The following PTPN4 variants were observed in gnomAD, a reference collection of about 807,000 sequenced individuals.
PTPN4 encodes the protein tyrosine-protein phosphatase non-receptor type 4.
Under a neutral mutation model 135.5 loss-of-function variants are expected in PTPN4, and 49 were observed. The ratio of observed to expected loss-of-function variants is 0.36; its 90% CI spans 0.29 to 0.46. The LOEUF (loss-of-function observed/expected upper bound fraction) is 0.46, where lower values mean the gene tolerates loss of function less well. Among genes scored for constraint, PTPN4 ranks in the 20% least tolerant of loss-of-function variants. PTPN4 has a pLI of 1.00. For missense variants in PTPN4, 860 were observed against 1,101.0 expected, an observed-to-expected ratio of 0.78 and a Z score of 3.10; for synonymous variants, 333 against 369.9, an observed-to-expected ratio of 0.90 and a Z score of 1.14.
intron 1 of PTPN4, among the ~76,000 whole-genome samples, chr2:119,780,380 T>G (rs2104927738): frequency 6.6e-6 from 1 of 152,312 alleles, no homozygotes; most frequent in African/African-American, 2.4e-5. Context: ...CAGTCTGTAT[T>G]CCAGATTTCT....
intron 2 of PTPN4, among the ~76,000 whole-genome samples, chr2:119,855,807 T>G (rs1031209719): frequency 1.3e-5 from 2 of 152,050 alleles, no homozygotes; most frequent in African/African-American, 4.8e-5. Flanking sequence ...ATTTTATTTA[T>G]TATTATTTTT....
Position 119,979,275 on chromosome 2 carries a change from A to G in PTPN4, c.*2205A>G, listed in dbSNP as rs1038613157. ...CCAAAAGATATCATTGTATAGATGT[A>G]AAGAGACAAAAGTCATGGTTGGCAT... is the stretch of plus-strand genomic sequence containing the variant. On this transcript the variant is annotated 3_prime_UTR_variant, in exon 27 of 27. Coordinates refer to ENST00000263708, the MANE Select transcript of PTPN4 (RefSeq NM_002830.4). 3.9e-5 allele frequency: 6 copies of G among 152,184 alleles called. No homozygotes were observed. Among genetic ancestry groups the G allele is most frequent in the African/African-American group, 9.6e-5 (4 of 41,466 alleles). 9.4% of individuals were successfully genotyped at this position (152,184 alleles called of 1,614,324 possible). A position where few individuals can be genotyped will look rare whatever the true frequency, so the allele number is the denominator to read the frequency against.
intron 3 of PTPN4, among the ~76,000 whole-genome samples, chr2:119,865,349 C>T (rs1677816747): frequency 6.6e-6 from 1 of 152,120 alleles, no homozygotes; most frequent in Non-Finnish European, 1.5e-5. Context: ...TGTTAATCAA[C>T]TAAATAATAT....
intron 15 of PTPN4, among the ~76,000 whole-genome samples, chr2:119,942,794 G>A (rs952917182): frequency 6.6e-5 from 10 of 152,244 alleles, no homozygotes; most frequent in Admixed American, 2.6e-4. Context: ...GTAGGCCGTG[G>A]TTGAGTTACA....
At chr2:119,768,396 C>T (rs534059233) in intron 1 of PTPN4, among the ~76,000 whole-genome samples, 12 of 152,010 alleles carry the variant, frequency 7.9e-5, no homozygotes, top group Admixed American at 2.6e-4. Context: ...AACTGAGATC[C>T]GAGTGTTCAG....
chr2:119,915,949 G>A (rs538701081), intron 11 of PTPN4: 1 of 152,236 alleles, frequency 6.6e-6, no homozygotes, highest in African/African-American at 2.4e-5. Context: ...CCAGCACTTT[G>A]AGAGGCTGAG....
chr2:119,828,951 G>A (rs1677182887), intron 2 of PTPN4, among the ~76,000 whole-genome samples: 1 of 152,242 alleles, frequency 6.6e-6, no homozygotes, highest in Non-Finnish European at 1.5e-5. Context: ...CTGAAAAGCA[G>A]TTAATGAGGC....
At chr2:119,785,606 A>G (rs887130681) in intron 1 of PTPN4, among the ~76,000 whole-genome samples, 2 of 152,054 alleles carry the variant, frequency 1.3e-5, no homozygotes, top group Non-Finnish European at 2.9e-5. Flanking sequence ...TTGTTTTTTA[A>G]TTATTTTTCT....
chr2:119,780,014 G>A (rs1160549157), intron 1 of PTPN4, among the ~76,000 whole-genome samples: 1 of 152,028 alleles, frequency 6.6e-6, no homozygotes, highest in East Asian at 1.9e-4. Flanking sequence ...TTAAAGTGCT[G>A]GGATTACAGG....
At chr2:119,855,973 T>G (rs1161879270) in intron 2 of PTPN4, among the ~76,000 whole-genome samples, 1 of 151,672 alleles carries the variant, frequency 6.6e-6, no homozygotes, top group Non-Finnish European at 1.5e-5. Flanking sequence ...CCCAGCTAAT[T>G]TTTTGTATTT....
chr2:119,974,018 G>GTA (rs796231449), intron 26 of PTPN4, among the ~76,000 whole-genome samples: 2 of 152,108 alleles, frequency 1.3e-5, no homozygotes, highest in African/African-American at 4.8e-5. Context: ...TTAGCAAGTG[G>GTA]TATAGCATGT....
chr2:119,891,315 T>TTTTGTTTG (rs750013304), intron 9 of PTPN4, among the ~76,000 whole-genome samples: 1 of 152,124 alleles, frequency 6.6e-6, no homozygotes, highest in Non-Finnish European at 1.5e-5. Context: ...AGTTTCAGTT[T>TTTTGTTTG]TTTGTTTGTT....
At chr2:119,914,260 T>A in intron 10 of PTPN4, among the ~76,000 whole-genome samples, 1 of 84,036 alleles carries the variant, frequency 1.2e-5, no homozygotes, top group Non-Finnish European at 3.1e-5. Flanking sequence ...TTTTTTTTTT[T>A]TTTTTTTTTT....
rs35755705 is a variant in PTPN4, at chr2:119,784,384, A to ATT, written c.-18+24019_-18+24020dup. ...AGGTGCACACCACCATGCCCACCTAATTTTTTTTTTTTTTTTTTTTGAGAC... is the reference window on the plus strand; with the variant it reads ...AGGTGCACACCACCATGCCCACCTAATTTTTTTTTTTTTTTTTTTTTTGAGAC... On this transcript the variant is annotated intron_variant, in intron 1 of 26. Transcript: ENST00000263708. Among the ~76,000 whole-genome samples the ATT allele has an allele frequency of 5.2e-3, 563 of 107,962 alleles. 18 individuals are homozygous for ATT. Among genetic ancestry groups the ATT allele is most frequent in the African/African-American group, 6.5e-3 (182 of 28,012 alleles). 70.8% of individuals were successfully genotyped at this position (107,962 alleles called of 152,430 possible). A position where few individuals can be genotyped will look rare whatever the true frequency, so the allele number is the denominator to read the frequency against.
chr2:119,775,538 T>G (rs1690819643), intron 1 of PTPN4, among the ~76,000 whole-genome samples: 1 of 152,210 alleles, frequency 6.6e-6, no homozygotes, highest in Non-Finnish European at 1.5e-5. Context: ...CCAGATTGAT[T>G]AGTCCTAAGG....
chr2:119,843,270 G>GAC (rs1677410208), intron 2 of PTPN4, among the ~76,000 whole-genome samples: 1 of 138,012 alleles, frequency 7.2e-6, no homozygotes, highest in Non-Finnish European at 1.5e-5. Context: ...ATCCTGAGTG[G>GAC]ACACAGCACA....
chr2:119,899,591 A>G (rs943702138), intron 9 of PTPN4, among the ~76,000 whole-genome samples: 7 of 152,204 alleles, frequency 4.6e-5, no homozygotes, highest in African/African-American at 1.4e-4. Context: ...ATCTTCCCTA[A>G]TGTATATCTT....
chr2:119,801,101 A>G (rs913359335), intron 1 of PTPN4, among the ~76,000 whole-genome samples: 2 of 151,664 alleles, frequency 1.3e-5, no homozygotes, highest in African/African-American at 4.9e-5. Flanking sequence ...TATTTTTTTT[A>G]AATTTGAGGC....
intron 9 of PTPN4, among the ~76,000 whole-genome samples, chr2:119,895,116 A>G (rs979627257): frequency 1.3e-5 from 2 of 152,182 alleles, no homozygotes; most frequent in African/African-American, 2.4e-5. Flanking sequence ...GAATGAGGGA[A>G]GGAGGCAGGG....
Sources: gnomAD v4.1 joint callset for allele counts (sites outside exome capture counted in the v4.1 genomes callset) on GRCh38, gnomAD v4.1.1 for gene constraint, MANE v1.5 for transcripts, NCBI Gene and HGNC (gene_info 2026-07-23, HGNC 2026-07-21) for gene names.